RUFY2: variants seen among roughly 807,000 people sequenced by gnomAD.
RUFY2 encodes the protein RUN and FYVE domain containing 2, also known as RUN and FYVE domain-containing protein 2.
In RUFY2, 49 loss-of-function variants were observed where a neutral mutation model predicts 94.4. The ratio of observed to expected loss-of-function variants is 0.52; its 90% confidence interval spans 0.41 to 0.66. The LOEUF (loss-of-function observed/expected upper bound fraction) is 0.66. Among genes scored for constraint, RUFY2 ranks in the 30% least tolerant of loss-of-function variants. The pLI is 0.00. For synonymous variants in RUFY2, 255 were observed against 235.7 expected (o/e 1.08, Z -0.75); for missense variants, 541 against 692.8 (o/e 0.78, Z 2.46).
chr10:68,346,888 C>A (rs1447942452), intron 16 of RUFY2, among the ~76,000 whole-genome samples: 1 of 152,104 alleles, frequency 6.6e-6, no homozygotes, highest in Non-Finnish European at 1.5e-5. Flanking sequence ...TTTTATAAGA[C>A]CTCTTTAGGA....
chr10:68,384,086 T>C lies in RUFY2; in HGVS notation c.787A>G (p.Lys263Glu). Residue 263 changes from lysine to glutamate, a missense_variant, in exon 9 of 18, where the codon AAA becomes GAA. This residue lies in a region of RUFY2 where 403 missense variants were observed against 480.7 expected (regional missense o/e 0.84). Transcript: ENST00000602465. The part of the protein sequence containing the change: ...EENHQLRSEN[K>E]LILMKTQQHL... ...TGCTGTGTTTTCATTAAAATCAATT[T>C]ATTTTCACTTCGTAATTGATGATTT... 6.2e-7 allele frequency: 1 copy of C among 1,613,100 alleles called. No individual in the cohort carries two copies. Among genetic ancestry groups the C allele is most frequent in the East Asian group, 2.2e-5 (1 of 44,842 alleles).
chr10:68,394,662 C>G (rs1361887133), intron 4 of RUFY2, among the ~76,000 whole-genome samples: 2 of 150,366 alleles, frequency 1.3e-5, no homozygotes, highest in African/African-American at 4.9e-5. Flanking sequence ...CGAAGTCTTG[C>G]TCTTTCACCC....
chr10:68,342,319 C>T (rs1374412366), downstream of RUFY2: 3 of 335,200 alleles, frequency 8.9e-6, no homozygotes, highest in Admixed American at 1.3e-4. Flanking sequence ...TAAAGATGTG[C>T]TGCCTTCATA....
In RUFY2 at chr10:68,393,211, A is replaced by G; in HGVS notation, c.585-8T>C. 2.0e-6 allele frequency: 3 copies of G among 1,514,214 alleles called. No homozygotes were observed. The highest frequency in any genetic ancestry group is 2.7e-6 in the Non-Finnish European group (3 of 1,108,828). The allele number at this position is 1,514,214 out of a possible 1,614,324, so 93.8% of individuals were successfully genotyped here. On this transcript the variant is annotated splice_region_variant and splice_polypyrimidine_tract_variant and intron_variant, in intron 6 of 17. Coordinates refer to ENST00000602465, the MANE Select transcript of RUFY2 (RefSeq NM_001330103.2). ...GCAGCAATTTGAACATTCCTAAATGAGGAAAAAAGTAGCTTTGTGCTAGTT... is the reference window on the plus strand; with the variant it reads ...GCAGCAATTTGAACATTCCTAAATGGGGAAAAAAGTAGCTTTGTGCTAGTT...
chr10:68,365,581 G>T (rs563843476), intron 13 of RUFY2, among the ~76,000 whole-genome samples: 1 of 152,316 alleles, frequency 6.6e-6, no homozygotes, highest in South Asian at 2.1e-4. Context: ...ATTGGGCAAA[G>T]AATTAGCTTA....
rs1564769050 is a variant in RUFY2 at position 68,345,920 on chromosome 10, C to T, written c.1678-9G>A. On this transcript the variant is annotated splice_polypyrimidine_tract_variant and intron_variant, in intron 17 of 17. Coordinates refer to ENST00000602465, the MANE Select transcript of RUFY2 (RefSeq NM_001330103.2). ...CAATTTCTACAGTGGTGCTATTAAACAGAAAAATCAGAGGGAAAAAAACAC... is the reference window on the plus strand; with the variant it reads ...CAATTTCTACAGTGGTGCTATTAAATAGAAAAATCAGAGGGAAAAAAACAC... 6.2e-7 allele frequency: 1 copy of T among 1,612,242 alleles called. No homozygotes were observed. Among genetic ancestry groups the T allele is most frequent in the South Asian group, 1.1e-5 (1 of 90,464 alleles).
chr10:68,345,521 G>T lies in RUFY2; in HGVS notation c.*247C>A. On this transcript the variant is annotated 3_prime_UTR_variant, in exon 18 of 18. Transcript: ENST00000602465. Reference sequence around the variant, plus strand: ...TTACAAGATAAGGCAAGTTGTGTTAGCTCTGCTCTCTGGCCTTTTAATGAG... The same window carrying T: ...TTACAAGATAAGGCAAGTTGTGTTATCTCTGCTCTCTGGCCTTTTAATGAG... 1 of 459,932 alleles carries T rather than the reference G, an allele frequency of 2.2e-6. No individual in the cohort carries two copies. 28.5% of individuals were successfully genotyped at this position (459,932 alleles called of 1,614,324 possible). A position where few individuals can be genotyped will look rare whatever the true frequency, so the allele number is the denominator to read the frequency against.
At position 68,364,130 on chromosome 10, in the gene RUFY2, C is replaced by G; in HGVS notation, c.1326-17G>C. 4 of 1,606,436 alleles carry G rather than the reference C, an allele frequency of 2.5e-6. No homozygotes were observed. Among genetic ancestry groups the G allele is most frequent in the Non-Finnish European group, 3.4e-6 (4 of 1,175,558 alleles). On this transcript the variant is annotated splice_polypyrimidine_tract_variant and intron_variant, in intron 13 of 17. Coordinates refer to ENST00000602465, the MANE Select transcript of RUFY2 (RefSeq NM_001330103.2). ...AGTTGCACCCTTGAATGACAAATAA[C>G]ACACAGAAGCTCAGTGCTATTTCTC... is the stretch of plus-strand genomic sequence containing the variant.
chr10:68,384,590 C>T (rs946770775), intron 8 of RUFY2, among the ~76,000 whole-genome samples: 5 of 152,098 alleles, frequency 3.3e-5, no homozygotes, highest in African/African-American at 1.2e-4. Context: ...GTAATACAGA[C>T]ATTTGTGGTA....
intron 15 of RUFY2, among the ~76,000 whole-genome samples, chr10:68,356,499 G>A (rs115624760): frequency 0.02 from 3,111 of 151,928 alleles, 109 homozygotes; most frequent in African/African-American, 0.07. Flanking sequence ...GCGAGATGCC[G>A]TCTCAAAAAC....
chr10:68,367,661 TTTTC>T (rs200536278), intron 13 of RUFY2, among the ~76,000 whole-genome samples: 2,968 of 151,888 alleles, frequency 0.02, 106 homozygotes, highest in African/African-American at 0.068. Flanking sequence ...TTTCTTTCTC[TTTTC>T]TTTCTTTCTC....
In RUFY2 at chr10:68,383,889, T is replaced by C. The variant is rs780390187; in HGVS notation, c.848A>G (p.Glu283Gly). 1 of 1,613,840 alleles carries C rather than the reference T, an allele frequency of 6.2e-7. No homozygotes were observed. The highest frequency in any genetic ancestry group is 8.5e-7 in the Non-Finnish European group (1 of 1,179,944). The change falls in exon 10 of 18, where the codon GAG (glutamate) becomes GGG (glycine). Residue 283 changes from glutamate (E) to glycine (G), a missense_variant. By Grantham distance (98) the Glu-to-Gly change is moderately conservative. This residue lies in a region of RUFY2 where 403 missense variants were observed against 480.7 expected (regional missense o/e 0.84). Transcript: ENST00000602465. The part of the protein sequence containing the change: ...LEVTKVDVET[E>G]LQTYKHSRQG... The stretch of plus-strand genomic sequence containing the variant: ...ACGAGAATGCTTATATGTTTGAAGC[T>C]CAGTTTCCACATCTACTTTGGTAAC...
chr10:68,354,859 T>C (rs1236440084), intron 16 of RUFY2, among the ~76,000 whole-genome samples: 1 of 151,996 alleles, frequency 6.6e-6, no homozygotes, highest in Non-Finnish European at 1.5e-5. Flanking sequence ...CTTTTTTTTT[T>C]TTTTTGAGAA....
chr10:68,388,173 A>C lies in RUFY2; in HGVS notation c.651-2045T>G, dbSNP rs78331001. 1.1e-3 allele frequency among the ~76,000 whole-genome samples: 168 copies of C among 151,564 alleles called. 2 individuals are homozygous for C. The highest frequency in any genetic ancestry group is 3.8e-3 in the African/African-American group (156 of 41,360). On this transcript the variant is annotated intron_variant, in intron 7 of 17. Transcript: ENST00000602465. ...ATAGTAGTTTTGAGTGAGGAATAAT[A>C]GGCGAATTCAGGCCAGGCACGGTGG...
chr10:68,394,352 C>T lies in RUFY2; in HGVS notation c.498G>A (p.Val166=), dbSNP rs1327675768. The change falls in exon 5 of 18, where the codon GTG becomes GTA. Residue 166 remains valine, a synonymous_variant. Coordinates refer to ENST00000602465, the MANE Select transcript of RUFY2 (RefSeq NM_001330103.2). ...GLNVIDANLC[V]KGEDLDSQVG... ...CTTGTGAGTCTAAATCCTCTCCCTT[C>T]ACACACAGATTAGCATCGATCACAT... The T allele has an allele frequency of 3.1e-6, 5 of 1,613,932 alleles. No individual in the cohort carries two copies. Among genetic ancestry groups the T allele is most frequent in the Non-Finnish European group, 4.2e-6 (5 of 1,179,860 alleles).
In RUFY2 at chr10:68,356,397, T is replaced by G. The variant is rs2047057719; in HGVS notation, c.1551-996A>C. On this transcript the variant is annotated intron_variant, in intron 15 of 17. Coordinates refer to ENST00000602465, the MANE Select transcript of RUFY2 (RefSeq NM_001330103.2). Reference sequence around the variant, plus strand: ...GGTGCACGCCTGTATTCCCAGCTACTCGGGAAGGTGAGGCAGGAGAATCAC... The same window carrying G: ...GGTGCACGCCTGTATTCCCAGCTACGCGGGAAGGTGAGGCAGGAGAATCAC... Among the ~76,000 whole-genome samples, 3 of 151,886 alleles carry G rather than the reference T, an allele frequency of 2.0e-5. No homozygotes were observed. The South Asian group carries it at 6.3e-4, about 32-fold the overall frequency.
rs755419558 is a variant in RUFY2 at position 68,343,808 on chromosome 10, T to TAAAAA, written c.*1955_*1959dup. 16 of 115,672 alleles carry TAAAAA rather than the reference T, an allele frequency of 1.4e-4. No individual in the cohort carries two copies. The highest frequency in any genetic ancestry group is 4.3e-4 in the African/African-American group (11 of 25,386). The allele number at this position is 115,672 out of a possible 1,614,324, so 7.2% of individuals were successfully genotyped here. On this transcript the variant is annotated 3_prime_UTR_variant, in exon 18 of 18. Transcript: ENST00000602465. ...GCAAGTTGCTGTCATAAAAGCTGCC[T>TAAAAA]AAAAAAAAAAAAAAAAAAAAAAAAA...
At chr10:68,377,263 A>C in intron 12 of RUFY2, 25 of 1,225,276 alleles carry the variant, frequency 2.0e-5, no homozygotes, top group Non-Finnish European at 2.6e-5. Flanking sequence ...TTTACCACTT[A>C]TGCAGAGCAT....
At chr10:68,383,289 C>T (rs1234456064) in intron 10 of RUFY2, among the ~76,000 whole-genome samples, 1 of 151,834 alleles carries the variant, frequency 6.6e-6, no homozygotes, top group Non-Finnish European at 1.5e-5. Flanking sequence ...CGCACCACTG[C>T]ACTCCAGCCT....
Sources: gnomAD v4.1 joint callset for allele counts (sites outside exome capture counted in the v4.1 genomes callset) on GRCh38, gnomAD v4.1.1 for gene constraint, gnomAD v4.1.1 regional missense constraint, MANE v1.5 for transcripts, NCBI Gene and HGNC (gene_info 2026-07-23, HGNC 2026-07-21) for gene names.